The following EDA variants were observed in gnomAD, a reference collection of about 807,000 sequenced individuals.
The protein encoded by EDA is ectodysplasin A.
A neutral mutation model predicts 23.6 loss-of-function variants in EDA; 2 were observed. The ratio of observed to expected loss-of-function variants is 0.08; its 90% confidence interval spans 0.03 to 0.27. The LOEUF is 0.27. EDA is among the 10% of genes least tolerant of loss of function. The pLI, the probability that EDA is intolerant of heterozygous loss-of-function variation, is 1.00. For missense variants in EDA, 229 were observed against 324.2 expected (o/e 0.71, Z 2.26); for synonymous variants, 131 against 132.0 (o/e 0.99, Z 0.05).
chrX:69,696,316 A>G (rs1438928811), intron 1 of EDA, among the ~76,000 whole-genome samples: 2 of 111,703 alleles, frequency 1.8e-5, no homozygotes, highest in Non-Finnish European at 3.8e-5. Context: ...GTAGTTTTGC[A>G]TCAGTGTACA....
chrX:69,823,009 C>G (rs903590711), intron 1 of EDA, among the ~76,000 whole-genome samples: 33 of 100,126 alleles, frequency 3.3e-4, no homozygotes, highest in Non-Finnish European at 4.4e-4. Flanking sequence ...ATCCAAGTCC[C>G]TACAAAGGAC....
chrX:69,702,810 T>C (rs1440478537), intron 1 of EDA, among the ~76,000 whole-genome samples: 1 of 111,674 alleles, frequency 9.0e-6, no homozygotes, highest in Non-Finnish European at 1.9e-5. Flanking sequence ...CAATAATTGC[T>C]TAAGTCAGTT....
At chrX:70,029,907 G>A (rs1285453169) in intron 5 of EDA, among the ~76,000 whole-genome samples, 1 of 112,211 alleles carries the variant, frequency 8.9e-6, no homozygotes. Context: ...CCTGGGATCC[G>A]GAGCTGAAGA....
chrX:69,785,928 T>C (rs2015149388), intron 1 of EDA, among the ~76,000 whole-genome samples: 1 of 110,727 alleles, frequency 9.0e-6, no homozygotes, highest in Non-Finnish European at 1.9e-5. Flanking sequence ...GGTCCTGGGC[T>C]CTTTTTGGTT....
chrX:69,846,337 C>T (rs184881060), intron 1 of EDA, among the ~76,000 whole-genome samples: 194 of 111,276 alleles, frequency 1.7e-3, no homozygotes, highest in Non-Finnish European at 2.5e-3. Flanking sequence ...CTCTGTCGCC[C>T]AGGCTGGAAT....
intron 1 of EDA, among the ~76,000 whole-genome samples, chrX:69,889,002 A>ATATATATATATG (rs2017880299): frequency 2.9e-5 from 2 of 69,168 alleles, no homozygotes; most frequent in African/African-American, 1.0e-4. Context: ...ATATATATAT[A>ATATATATATATG]TATATATATA....
chrX:69,860,881 C>T (rs1391542249), intron 1 of EDA: 1 of 524,914 alleles, frequency 1.9e-6, no homozygotes, highest in East Asian at 3.6e-5. Context: ...TGTGTCTTCC[C>T]TCTGTCCACT....
chrX:69,980,553 A>T (rs1336859166), intron 2 of EDA, among the ~76,000 whole-genome samples: 1 of 112,554 alleles, frequency 8.9e-6, no homozygotes, highest in Non-Finnish European at 1.9e-5. Context: ...GACCTCTAAG[A>T]TTCCTCTCAG....
At chrX:69,759,569 C>T (rs1453397694) in intron 1 of EDA, among the ~76,000 whole-genome samples, 4 of 111,496 alleles carry the variant, frequency 3.6e-5, no homozygotes, top group Non-Finnish European at 7.5e-5. Flanking sequence ...AAGTATACAC[C>T]GTGTTTTACA....
chrX:69,667,007 C>T (rs1294085991), intron 1 of EDA, among the ~76,000 whole-genome samples: 1 of 111,081 alleles, frequency 9.0e-6, no homozygotes, highest in Non-Finnish European at 1.9e-5. Context: ...TTCTTCCTGA[C>T]TCAATCTTGG....
chrX:69,827,843 G>A (rs766013007), intron 1 of EDA, among the ~76,000 whole-genome samples: 3 of 111,437 alleles, frequency 2.7e-5, no homozygotes, highest in Non-Finnish European at 5.6e-5. Context: ...ATCTACTTTT[G>A]GTCTTTGATG....
intron 1 of EDA, among the ~76,000 whole-genome samples, chrX:69,713,281 C>G (rs2012164578): frequency 8.9e-6 from 1 of 111,912 alleles, no homozygotes; most frequent in African/African-American, 3.2e-5. Flanking sequence ...TTTGTATGCT[C>G]TAGTTTCCGC....
intron 2 of EDA, among the ~76,000 whole-genome samples, chrX:69,982,218 T>C (rs1401937645): frequency 9.0e-6 from 1 of 111,701 alleles, no homozygotes; most frequent in African/African-American, 3.3e-5. Flanking sequence ...GCAGCTGCTA[T>C]TGCAACCTCC....
chrX:69,960,203 G>C (rs1458860257), intron 2 of EDA, among the ~76,000 whole-genome samples: 3 of 111,606 alleles, frequency 2.7e-5, no homozygotes, highest in African/African-American at 6.5e-5. Flanking sequence ...ATCCAGGCAA[G>C]AGATGATGGT....
intron 1 of EDA, among the ~76,000 whole-genome samples, chrX:69,732,512 G>A (rs1355409050): frequency 6.2e-5 from 7 of 112,273 alleles, no homozygotes; most frequent in East Asian, 2.8e-4. Context: ...TTCAACATTT[G>A]TGTTGGTTCC....
chrX:69,841,112 A>C (rs1053271619), intron 1 of EDA, among the ~76,000 whole-genome samples: 3 of 112,360 alleles, frequency 2.7e-5, no homozygotes, highest in Admixed American at 9.5e-5. Flanking sequence ...GTATGTGTAT[A>C]TGCGCTCAGC....
At chrX:69,878,416 TGGCAGCTGAGC>T (rs2017682480) in intron 1 of EDA, among the ~76,000 whole-genome samples, 1 of 112,378 alleles carries the variant, frequency 8.9e-6, no homozygotes, top group Non-Finnish European at 1.9e-5. Context: ...AATTCAGCTA[TGGCAGCTGAGC>T]AGAGCTCAAC....
At chrX:69,664,012 C>G (rs1411088247) in intron 1 of EDA, among the ~76,000 whole-genome samples, 1 of 112,232 alleles carries the variant, frequency 8.9e-6, no homozygotes, top group Admixed American at 9.4e-5. Context: ...AACTAACTTG[C>G]TTTTGATTTT....
intron 1 of EDA, among the ~76,000 whole-genome samples, chrX:69,900,810 A>G: frequency 9.0e-6 from 1 of 111,268 alleles, no homozygotes; most frequent in East Asian, 2.8e-4. Flanking sequence ...GAGTGGCCTT[A>G]CAAGTGAAAT....
Sources: gnomAD v4.1 joint callset for allele counts (sites outside exome capture counted in the v4.1 genomes callset) on GRCh38, gnomAD v4.1.1 for gene constraint, MANE v1.5 for transcripts, NCBI Gene and HGNC (gene_info 2026-07-23, HGNC 2026-07-21) for gene names.